Variants in WWOX observed in about 807,000 individuals in gnomAD.
The protein encoded by WWOX is WW domain-containing oxidoreductase.
WWOX carries 69 observed loss-of-function variants against 46.2 expected under a neutral mutation model. The ratio of observed to expected loss-of-function variants is 1.49; its 90% CI spans 1.23 to 1.82. WWOX has a LOEUF of 1.82. Ranked by LOEUF, WWOX falls within the 40% of genes most tolerant of loss-of-function variation. The pLI is 0.00. For missense variants in WWOX, 919 were observed against 542.6 expected, an observed-to-expected ratio of 1.69 and a Z score of -6.89; for synonymous variants, 359 against 202.6, an observed-to-expected ratio of 1.77 and a Z score of -6.56.
intron 8 of WWOX, among the ~76,000 whole-genome samples, chr16:78,959,962 G>A (rs552676726): frequency 4.6e-5 from 7 of 152,172 alleles, no homozygotes; most frequent in African/African-American, 1.7e-4. Context: ...GAGAATAAAG[G>A]GTGTGTATAA....
intron 8 of WWOX, chr16:78,757,008 A>C (rs191465109): frequency 1.9e-5 from 13 of 699,898 alleles, no homozygotes; most frequent in African/African-American, 1.8e-4. Flanking sequence ...CCTCCTGCCA[A>C]CAGCCATGTG....
chr16:78,756,610 C>T (rs1020504111), intron 8 of WWOX, among the ~76,000 whole-genome samples: 15 of 152,182 alleles, frequency 9.9e-5, no homozygotes, highest in African/African-American at 2.2e-4. Flanking sequence ...TGGTTACTGA[C>T]GCTGTGTACT....
intron 8 of WWOX, among the ~76,000 whole-genome samples, chr16:79,209,322 G>C (rs556745063): frequency 1.1e-4 from 16 of 152,306 alleles, no homozygotes; most frequent in African/African-American, 3.8e-4. Flanking sequence ...TACCATTCCA[G>C]TAATGCAAGA....
chr16:78,871,470 A>G (rs1416199922), intron 8 of WWOX, among the ~76,000 whole-genome samples: 1 of 152,170 alleles, frequency 6.6e-6, no homozygotes, highest in African/African-American at 2.4e-5. Flanking sequence ...GTGCTTCTGC[A>G]CCTGGGTGGT....
chr16:78,750,215 C>T (rs1567534785), intron 8 of WWOX, among the ~76,000 whole-genome samples: 1 of 152,080 alleles, frequency 6.6e-6, no homozygotes, highest in Non-Finnish European at 1.5e-5. Context: ...GAAGAAAAAC[C>T]CACTGCCCAG....
chr16:78,505,441 G>A (rs2085171349), intron 8 of WWOX, among the ~76,000 whole-genome samples: 2 of 151,978 alleles, frequency 1.3e-5, no homozygotes. Flanking sequence ...AAGCCAATCT[G>A]TTTCTCCCTG....
intron 8 of WWOX, among the ~76,000 whole-genome samples, chr16:78,720,311 T>G (rs1317759080): frequency 1.4e-5 from 2 of 145,878 alleles, no homozygotes; most frequent in African/African-American, 5.6e-5. Flanking sequence ...ATATAGATCT[T>G]TCTGAATTAT....
At position 78,348,039 on chromosome 16, in the gene WWOX, C is replaced by A. The variant is rs1425451967; in HGVS notation, c.517-38821C>A. ...ACTTTCTCTTTAAAAATATACCTTTCTGCTTCCATCCCCTAACCCACAAAG... is the reference window on the plus strand; with the variant it reads ...ACTTTCTCTTTAAAAATATACCTTTATGCTTCCATCCCCTAACCCACAAAG... On this transcript the variant is annotated intron_variant, in intron 5 of 8. Transcript: ENST00000566780. Among the ~76,000 whole-genome samples the A allele has an allele frequency of 2.4e-5, 3 of 122,502 alleles. 1 individual carries two copies. In the South Asian group the frequency reaches 7.3e-4, roughly 30 times the overall value. 80.4% of individuals were successfully genotyped at this position (122,502 alleles called of 152,430 possible). A position where few individuals can be genotyped will look rare whatever the true frequency, so the allele number is the denominator to read the frequency against.
chr16:78,691,203 C>G (rs986786698), intron 8 of WWOX: 1 of 701,848 alleles, frequency 1.4e-6, no homozygotes, highest in African/African-American at 1.7e-5. Context: ...GGTCCAGCGC[C>G]TAGAATTTTA....
chr16:79,074,776 T>C (rs1310839974), intron 8 of WWOX, among the ~76,000 whole-genome samples: 1 of 152,024 alleles, frequency 6.6e-6, no homozygotes, highest in Non-Finnish European at 1.5e-5. Context: ...AAATAGCAAG[T>C]TATTTGCAAA....
chr16:78,481,123 A>G (rs186864083), intron 8 of WWOX, among the ~76,000 whole-genome samples: 1 of 152,238 alleles, frequency 6.6e-6, no homozygotes, highest in Non-Finnish European at 1.5e-5. Flanking sequence ...AAAGATGAAC[A>G]TTGCTTTAAC....
At chr16:78,620,255 C>A in intron 8 of WWOX, among the ~76,000 whole-genome samples, 1 of 152,160 alleles carries the variant, frequency 6.6e-6, no homozygotes, top group East Asian at 1.9e-4. Flanking sequence ...GTTAGGAGGG[C>A]TGTTTGTTAA....
At chr16:78,187,033 G>T (rs2035732407) in intron 5 of WWOX, among the ~76,000 whole-genome samples, 1 of 152,164 alleles carries the variant, frequency 6.6e-6, no homozygotes, top group Non-Finnish European at 1.5e-5. Context: ...TCTATGAAAA[G>T]TTATAACATA....
chr16:78,316,733 C>T (rs1303349770), intron 5 of WWOX, among the ~76,000 whole-genome samples: 2 of 152,100 alleles, frequency 1.3e-5, no homozygotes, highest in Non-Finnish European at 2.9e-5. Flanking sequence ...CTATAAGCTT[C>T]TGTTACTGGA....
chr16:79,202,110 C>G (rs1315817580), intron 8 of WWOX, among the ~76,000 whole-genome samples: 2 of 152,102 alleles, frequency 1.3e-5, no homozygotes, highest in African/African-American at 4.8e-5. Flanking sequence ...TTTGGGTAGA[C>G]GTTGTCGATG....
intron 8 of WWOX, among the ~76,000 whole-genome samples, chr16:78,625,454 ATATTT>A (rs1424245400): frequency 6.6e-6 from 1 of 152,158 alleles, no homozygotes; most frequent in Non-Finnish European, 1.5e-5. Context: ...CAGTTGGTAC[ATATTT>A]TATTTTTTGA....
At chr16:78,856,010 A>T (rs565855734) in intron 8 of WWOX, among the ~76,000 whole-genome samples, 63 of 152,336 alleles carry the variant, frequency 4.1e-4, no homozygotes, top group African/African-American at 1.3e-3. Flanking sequence ...GACTAACTTT[A>T]TCTAACTTTA....
intron 5 of WWOX, among the ~76,000 whole-genome samples, chr16:78,375,842 C>G (rs973783565): frequency 1.4e-5 from 2 of 146,236 alleles, no homozygotes; most frequent in African/African-American, 5.1e-5. Flanking sequence ...CAATGAGTAA[C>G]ATGTATAGGA....
intron 5 of WWOX, among the ~76,000 whole-genome samples, chr16:78,383,033 T>C (rs7198580): frequency 0.15 from 22,299 of 149,722 alleles, 2,755 homozygotes; most frequent in African/African-American, 0.34. Flanking sequence ...GGAGGTGATA[T>C]GCTCTTGTAA....
Sources: gnomAD v4.1 joint callset for allele counts (sites outside exome capture counted in the v4.1 genomes callset) on GRCh38, gnomAD v4.1.1 for gene constraint, MANE v1.5 for transcripts, NCBI Gene and HGNC (gene_info 2026-07-23, HGNC 2026-07-21) for gene names.